FAM149B1: variants seen among roughly 807,000 people sequenced by gnomAD.
FAM149B1 encodes family with sequence similarity 149 member B1.
FAM149B1 carries 56 observed loss-of-function variants against 75.3 expected under a neutral mutation model. The ratio of observed to expected loss-of-function variants is 0.74; its 90% CI spans 0.60 to 0.93. The LOEUF is 0.93. Ranked by LOEUF, FAM149B1 falls within the 40% of genes least tolerant of loss-of-function variation. The pLI is 0.00. For synonymous variants in FAM149B1, 259 were observed against 256.1 expected (o/e 1.01, Z -0.11); for missense variants, 639 against 708.4 (o/e 0.90, Z 1.11).
At chr10:73,191,486 G>A (rs2042683445) in intron 3 of FAM149B1, among the ~76,000 whole-genome samples, 1 of 152,022 alleles carries the variant, frequency 6.6e-6, no homozygotes, top group African/African-American at 2.4e-5. Flanking sequence ...ACAGGCACCC[G>A]CCATCACACC....
chr10:73,243,308 A>C lies in FAM149B1; in HGVS notation c.*2289A>C. The C allele has an allele frequency of 3.5e-6, 5 of 1,434,652 alleles. No individual in the cohort carries two copies. The highest frequency in any genetic ancestry group is 4.8e-6 in the Non-Finnish European group (5 of 1,044,718). The allele number at this position is 1,434,652 out of a possible 1,614,324, so 88.9% of individuals were successfully genotyped here. ...GGCTGGAAAGACACCTTTTCTCAAG[A>C]GCTGAATTGACTTTTGCCTTCAAAT... On this transcript the variant is annotated 3_prime_UTR_variant, in exon 14 of 14. Coordinates refer to ENST00000242505, the MANE Select transcript of FAM149B1 (RefSeq NM_173348.2).
Position 73,241,250 on chromosome 10 carries a change from T to C in FAM149B1, c.*231T>C. The C allele has an allele frequency of 2.0e-6, 1 of 489,088 alleles. No individual in the cohort carries two copies. The highest frequency in any genetic ancestry group is 3.7e-6 in the Non-Finnish European group (1 of 269,594). The allele number at this position is 489,088 out of a possible 1,614,324, so 30.3% of individuals were successfully genotyped here. ...TTTCAGCAGAAATTAACCTATCCCA[T>C]TGGAAAGGCAAGTTTGTACCCAAAG... On this transcript the variant is annotated 3_prime_UTR_variant, in exon 14 of 14. Transcript: ENST00000242505.
chr10:73,215,716 T>G (rs1247915662), intron 7 of FAM149B1, among the ~76,000 whole-genome samples: 1 of 152,246 alleles, frequency 6.6e-6, no homozygotes, highest in African/African-American at 2.4e-5. Context: ...TTTGTATGGT[T>G]TCCAGAGTTC....
chr10:73,233,000 T>G lies in FAM149B1; in HGVS notation c.1189T>G (p.Trp397Gly), dbSNP rs202136724. The G allele has an allele frequency of 2.5e-4, 382 of 1,552,050 alleles. 1 individual carries two copies. In the Middle Eastern group the frequency reaches 4.7e-3, roughly 19 times the overall value. Reference sequence around the variant, plus strand: ...CAGTACCATCCTTTCAACTCGAAATTGGCCAAATCGAGCTGTGGAGTTTAG... The same window carrying G: ...CAGTACCATCCTTTCAACTCGAAATGGGCCAAATCGAGCTGTGGAGTTTAG... ...GSSTILSTRNWPNRAVEFSTS... is the reference protein window; with the variant it reads ...GSSTILSTRNGPNRAVEFSTS... Residue 397 changes from tryptophan (W) to glycine (G), a missense_variant, in exon 10 of 14, where the codon TGG (tryptophan) becomes GGG (glycine). Trp to Gly is a radical substitution (Grantham distance 184). Transcript: ENST00000242505.
intron 10 of FAM149B1, among the ~76,000 whole-genome samples, chr10:73,233,746 G>A (rs1055904914): frequency 2.0e-5 from 3 of 152,114 alleles, no homozygotes; most frequent in Non-Finnish European, 4.4e-5. Context: ...ACTATATTGG[G>A]GTTACAAAAG....
Position 73,243,431 on chromosome 10 carries a change from T to C in FAM149B1, c.*2412T>C. 1.2e-6 allele frequency: 2 copies of C among 1,614,028 alleles called. No individual in the cohort carries two copies. The highest frequency in any genetic ancestry group is 1.7e-6 in the Non-Finnish European group (2 of 1,179,922). ...CTTTTCTTTCTTGAGAGCAGATTTT[T>C]TCCCTCCTCCTTTGGAAGATTTGCA... On this transcript the variant is annotated 3_prime_UTR_variant, in exon 14 of 14. Coordinates refer to ENST00000242505, the MANE Select transcript of FAM149B1 (RefSeq NM_173348.2).
chr10:73,188,006 C>A (rs2042573880), intron 3 of FAM149B1, among the ~76,000 whole-genome samples: 1 of 152,064 alleles, frequency 6.6e-6, no homozygotes, highest in African/African-American at 2.4e-5. Context: ...TCACTTGAAC[C>A]CAGGAGGCAG....
chr10:73,230,245 A>G (rs1206991421), intron 8 of FAM149B1, 177 bp from the exon 9 acceptor site: 1 of 527,562 alleles, frequency 1.9e-6, no homozygotes, highest in Non-Finnish European at 3.4e-6. Flanking sequence ...GAGGGACCCT[A>G]TCACATGGAC....
intron 3 of FAM149B1, among the ~76,000 whole-genome samples, chr10:73,188,169 A>T (rs2042578137): frequency 6.6e-6 from 1 of 152,170 alleles, no homozygotes; most frequent in African/African-American, 2.4e-5. Flanking sequence ...TCCAGAAATA[A>T]ACTCTTACAT....
chr10:73,229,250 G>T (rs2043628753), intron 8 of FAM149B1, among the ~76,000 whole-genome samples: 1 of 147,724 alleles, frequency 6.8e-6, no homozygotes, highest in Admixed American at 6.7e-5. Context: ...TTTTAAGGTG[G>T]AAAAAAAAAA....
intron 13 of FAM149B1, 68 bp downstream of exon 13, chr10:73,239,452 T>C (rs1451226808): frequency 8.8e-7 from 1 of 1,130,396 alleles, no homozygotes; most frequent in East Asian, 2.6e-5. Context: ...TTTGTCTTTT[T>C]TCCTACACCT....
At chr10:73,194,324 A>C (rs2042748112) in intron 5 of FAM149B1, among the ~76,000 whole-genome samples, 1 of 152,138 alleles carries the variant, frequency 6.6e-6, no homozygotes, top group Non-Finnish European at 1.5e-5. Context: ...GGTTTTTTAA[A>C]ATGTCGAAGT....
chr10:73,172,429 G>A (rs1020330345), intron 1 of FAM149B1, among the ~76,000 whole-genome samples: 7 of 152,132 alleles, frequency 4.6e-5, no homozygotes, highest in African/African-American at 1.4e-4. Flanking sequence ...TGGCTTCATC[G>A]CTTACTAACC....
intron 7 of FAM149B1, among the ~76,000 whole-genome samples, chr10:73,222,524 T>A (rs2043442556): frequency 6.6e-6 from 1 of 152,062 alleles, no homozygotes; most frequent in Non-Finnish European, 1.5e-5. Flanking sequence ...ATATCATGGG[T>A]TCTCTTCCTA....
chr10:73,207,871 T>C (rs2043102752), intron 5 of FAM149B1, among the ~76,000 whole-genome samples: 1 of 152,256 alleles, frequency 6.6e-6, no homozygotes, highest in Non-Finnish European at 1.5e-5. Flanking sequence ...TACAGGCTCA[T>C]AGCTGGAAGG....
Position 73,230,515 on chromosome 10 carries a change from G to C in FAM149B1, c.1117G>C (p.Asp373His), listed in dbSNP as rs944720767. 4.0e-6 allele frequency: 6 copies of C among 1,505,678 alleles called. No individual in the cohort carries two copies. In the Admixed American group the frequency reaches 1.2e-4, roughly 30 times the overall value. 93.3% of individuals were successfully genotyped at this position (1,505,678 alleles called of 1,614,324 possible). ...ACAGCCAAGAAATCTCTCCCTAATG[G>C]ACAAGCTCCTGTAAGAAGTTCAACA... Reference protein sequence around the residue: ...PLQPRNLSLMDKLLDLDDKLL... With the variant: ...PLQPRNLSLMHKLLDLDDKLL... Residue 373 changes from aspartate (D) to histidine (H), a missense_variant, in exon 9 of 14, where the codon GAC (aspartate) becomes CAC (histidine). By Grantham distance (81) the Asp-to-His change is moderately conservative. Coordinates refer to ENST00000242505, the MANE Select transcript of FAM149B1 (RefSeq NM_173348.2).
At chr10:73,169,121 C>T (rs944245924) in intron 1 of FAM149B1, 5 of 151,184 alleles carry the variant, frequency 3.3e-5, no homozygotes, top group Admixed American at 3.3e-4. Flanking sequence ...CGAGACCAGC[C>T]TGGCCAACAT....
At chr10:73,212,605 T>C (rs1420180993) in intron 7 of FAM149B1, among the ~76,000 whole-genome samples, 1 of 152,060 alleles carries the variant, frequency 6.6e-6, no homozygotes, top group Non-Finnish European at 1.5e-5. Context: ...AATGATTTCT[T>C]TTTGTGTATA....
chr10:73,236,393 G>A (rs920703973), intron 12 of FAM149B1, among the ~76,000 whole-genome samples: 2 of 150,568 alleles, frequency 1.3e-5, no homozygotes, highest in African/African-American at 4.9e-5. Flanking sequence ...GCTTGCAGCT[G>A]CATCACTCCC....
Sources: gnomAD v4.1 joint callset for allele counts (sites outside exome capture counted in the v4.1 genomes callset) on GRCh38, gnomAD v4.1.1 for gene constraint, MANE v1.5 for transcripts, NCBI Gene and HGNC (gene_info 2026-07-23, HGNC 2026-07-21) for gene names.